GSPT1: variants seen among roughly 807,000 people sequenced by gnomAD.
The protein encoded by GSPT1 is G1 to S phase transition 1.
A neutral mutation model predicts 72.5 loss-of-function variants in GSPT1; 20 were observed. That is an observed-to-expected ratio of 0.28 (90% CI 0.19 to 0.40). GSPT1 has a LOEUF of 0.40. Among genes scored for constraint, GSPT1 ranks in the 10% least tolerant of loss-of-function variants. The pLI is 1.00. For missense variants in GSPT1, 580 were observed against 811.9 expected (o/e 0.71, Z 3.47); for synonymous variants, 334 against 293.5 (o/e 1.14, Z -1.41).
At chr16:11,902,942 C>G (rs2150883738) in intron 1 of GSPT1, among the ~76,000 whole-genome samples, 1 of 152,018 alleles carries the variant, frequency 6.6e-6, no homozygotes, top group South Asian at 2.1e-4. Flanking sequence ...GTCTCCAACT[C>G]CTGAGCTCAA....
At chr16:11,886,356 TA>T (rs2054186658) in intron 9 of GSPT1, 114 bp downstream of exon 9, 2 of 629,188 alleles carry the variant, frequency 3.2e-6, no homozygotes, top group Admixed American at 6.4e-5. Context: ...AAATTACTTA[TA>T]AAGATATATG....
In GSPT1 at chr16:11,897,986, A is replaced by G. The variant is rs1377144466; in HGVS notation, c.394+8T>C. On this transcript the variant is annotated splice_region_variant and intron_variant, in intron 2 of 14. Transcript: ENST00000434724. ...TCTCAAGTAGACTTTCAAAGAGTAC[A>G]TCATTACCTTCACACAATGACTGTT... 6.5e-7 allele frequency: 1 copy of G among 1,544,132 alleles called. No homozygotes were observed. Among genetic ancestry groups the G allele is most frequent in the East Asian group, 2.4e-5 (1 of 41,658 alleles).
In GSPT1 at chr16:11,897,826, A is replaced by G. The variant is rs753185637; in HGVS notation, c.436+14T>C. 74 of 1,409,958 alleles carry G rather than the reference A, an allele frequency of 5.2e-5. No individual in the cohort carries two copies. Among genetic ancestry groups the G allele is most frequent in the Non-Finnish European group, 1.2e-5 (12 of 1,014,004 alleles). The allele number at this position is 1,409,958 out of a possible 1,614,324, so 87.3% of individuals were successfully genotyped here. A position where few individuals can be genotyped will look rare whatever the true frequency, so the allele number is the denominator to read the frequency against. ...TTCATATTACTGTATTAATATGGTC[A>G]GAAATTTTCTTACCAATAGGTTCTG... On this transcript the variant is annotated intron_variant, in intron 3 of 14. Coordinates refer to ENST00000434724, the MANE Select transcript of GSPT1 (RefSeq NM_002094.4).
At chr16:11,888,699 T>G (rs1045924659) in intron 6 of GSPT1, among the ~76,000 whole-genome samples, 1 of 151,864 alleles carries the variant, frequency 6.6e-6, no homozygotes, top group Non-Finnish European at 1.5e-5. Context: ...GAGGCGGAGG[T>G]TGCAGTGAGC....
intron 1 of GSPT1, chr16:11,908,737 G>C (rs1212715279): frequency 2.3e-5 from 1 of 42,972 alleles, no homozygotes; most frequent in Non-Finnish European, 3.6e-5. Flanking sequence ...TCCAGCCTGG[G>C]CGACAGAGCG....
intron 1 of GSPT1, 50 bp downstream of exon 1, chr16:11,915,319 T>C (rs1254785937): frequency 2.0e-5 from 29 of 1,415,712 alleles, no homozygotes; most frequent in Non-Finnish European, 2.6e-5. Context: ...CCCTACGCCA[T>C]GTGGGCTCCG....
At chr16:11,901,773 AAG>A (rs1314224685) in intron 1 of GSPT1, among the ~76,000 whole-genome samples, 5 of 149,962 alleles carry the variant, frequency 3.3e-5, no homozygotes, top group African/African-American at 1.2e-4. Flanking sequence ...GCCTGGGTGA[AAG>A]AGTGAGACCC....
intron 14 of GSPT1, among the ~76,000 whole-genome samples, chr16:11,874,908 T>TG (rs879828164): frequency 4.6e-5 from 7 of 152,208 alleles, no homozygotes; most frequent in Non-Finnish European, 7.3e-5. Context: ...TATTAACAGC[T>TG]GGGCCGGGCA....
At chr16:11,912,044 T>C (rs62038799) in intron 1 of GSPT1, among the ~76,000 whole-genome samples, 1 of 98,452 alleles carries the variant, frequency 1.0e-5, no homozygotes. Context: ...ATGTCAATCA[T>C]TTAAAAAAAA....
At position 11,872,906 on chromosome 16, in the gene GSPT1, T is replaced by G. The variant is rs926193073; in HGVS notation, c.*213A>C. ...AGGAAGCAGAGTTTGAAGTGAGGGC[T>G]AGGGACAGGAATCTTGGGAAAAATT... On this transcript the variant is annotated 3_prime_UTR_variant, in exon 15 of 15. Coordinates refer to ENST00000434724, the MANE Select transcript of GSPT1 (RefSeq NM_002094.4). 3.3e-5 allele frequency: 15 copies of G among 456,428 alleles called. No homozygotes were observed. Among genetic ancestry groups the G allele is most frequent in the Non-Finnish European group, 5.5e-5 (14 of 252,312 alleles). 28.3% of individuals were successfully genotyped at this position (456,428 alleles called of 1,614,324 possible). A position where few individuals can be genotyped will look rare whatever the true frequency, so the allele number is the denominator to read the frequency against.
intron 6 of GSPT1, among the ~76,000 whole-genome samples, chr16:11,889,898 C>T (rs2054236420): frequency 6.6e-6 from 1 of 152,034 alleles, no homozygotes. Flanking sequence ...TGCCTTGCCT[C>T]CCAAAGTGCT....
Position 11,891,141 on chromosome 16 carries a change from TG to T in GSPT1, c.699-3del. On this transcript the variant is annotated splice_region_variant and splice_polypyrimidine_tract_variant and intron_variant, in intron 5 of 14. Coordinates refer to ENST00000434724, the MANE Select transcript of GSPT1 (RefSeq NM_002094.4). ...TTGTCAACCATTCCAGTCAAATACC[TG>T]AAAACATTTAAAGAAAAAAAAAAGT... 7.1e-7 allele frequency: 1 copy of T among 1,403,368 alleles called. No homozygotes were observed. The highest frequency in any genetic ancestry group is 9.7e-7 in the Non-Finnish European group (1 of 1,031,224). 86.9% of individuals were successfully genotyped at this position (1,403,368 alleles called of 1,614,324 possible).
At chr16:11,898,642 G>T (rs2054369856) in intron 1 of GSPT1, among the ~76,000 whole-genome samples, 1 of 151,866 alleles carries the variant, frequency 6.6e-6, no homozygotes, top group Non-Finnish European at 1.5e-5. Flanking sequence ...GTAGAGATGG[G>T]GTTTCGCCAC....
In GSPT1 at chr16:11,872,524, T is replaced by C. The variant is rs1348695036; in HGVS notation, c.*595A>G. On this transcript the variant is annotated 3_prime_UTR_variant, in exon 15 of 15. Coordinates refer to ENST00000434724, the MANE Select transcript of GSPT1 (RefSeq NM_002094.4). Reference sequence around the variant, plus strand: ...TTTCCTTTAATACAAACTTGAACGCTGTGAATGTCTCATTTATAGTGGGTA... The same window carrying C: ...TTTCCTTTAATACAAACTTGAACGCCGTGAATGTCTCATTTATAGTGGGTA... 6.6e-6 allele frequency: 1 copy of C among 152,234 alleles called. No homozygotes were observed. The highest frequency in any genetic ancestry group is 1.5e-5 in the Non-Finnish European group (1 of 68,046). The allele number at this position is 152,234 out of a possible 1,614,324, so 9.4% of individuals were successfully genotyped here. A position where few individuals can be genotyped will look rare whatever the true frequency, so the allele number is the denominator to read the frequency against.
At position 11,870,869 on chromosome 16, in the gene GSPT1, AGTT is replaced by A. The variant is rs1472359879; in HGVS notation, c.*2247_*2249del. The A allele has an allele frequency of 1.3e-5, 2 of 152,206 alleles. No homozygotes were observed. Among genetic ancestry groups the A allele is most frequent in the African/African-American group, 4.8e-5 (2 of 41,452 alleles). The allele number at this position is 152,206 out of a possible 1,614,324, so 9.4% of individuals were successfully genotyped here. ...GTAGGCCCTTCACAGTTGATATCCA[AGTT>A]ACTTAAGAGTCTTGGCAACATGCAC... On this transcript the variant is annotated 3_prime_UTR_variant, in exon 15 of 15. Transcript: ENST00000434724.
intron 1 of GSPT1, among the ~76,000 whole-genome samples, chr16:11,903,401 C>A (rs2054441836): frequency 6.6e-6 from 1 of 152,232 alleles, no homozygotes. Context: ...CCCAGATACT[C>A]AGGAGGCTGA....
chr16:11,882,437 G>A (rs2054133006), intron 11 of GSPT1: 1 of 152,350 alleles, frequency 6.6e-6, no homozygotes, highest in African/African-American at 2.4e-5. Context: ...AATTTGTAAG[G>A]TGCCAATTAT....
rs3031121 is a variant in GSPT1, at chr16:11,915,673, CCCG to C, written c.45_47del (p.Gly16del). ...CGCTGCTGCTGCTGCCGCTGCTGCTCCCGCCGCCGCCGCCGCCGCCGCCGCCGC... is the reference window on the plus strand; with the variant it reads ...CGCTGCTGCTGCTGCCGCTGCTGCTCCCGCCGCCGCCGCCGCCGCCGCCGC... On this transcript the variant is annotated inframe_deletion, in exon 1 of 15. Coordinates refer to ENST00000434724, the MANE Select transcript of GSPT1 (RefSeq NM_002094.4). The C allele has an allele frequency of 0.017, 22,489 of 1,329,372 alleles. 4 individuals carry two copies. The highest frequency in any genetic ancestry group is 0.034 in the Admixed American group (1,296 of 38,362). 82.3% of individuals were successfully genotyped at this position (1,329,372 alleles called of 1,614,324 possible). A position where few individuals can be genotyped will look rare whatever the true frequency, so the allele number is the denominator to read the frequency against.
intron 6 of GSPT1, 120 bp from the exon 7 acceptor site, chr16:11,887,870 G>A: frequency 1.3e-6 from 1 of 752,564 alleles, no homozygotes; most frequent in Non-Finnish European, 2.2e-6. Context: ...CAAGATTGGT[G>A]AAATGAAAAT....
Sources: gnomAD v4.1 joint callset for allele counts (sites outside exome capture counted in the v4.1 genomes callset) on GRCh38, gnomAD v4.1.1 for gene constraint, MANE v1.5 for transcripts, NCBI Gene and HGNC (gene_info 2026-07-23, HGNC 2026-07-21) for gene names.